Variants in CDS1 observed in about 807,000 individuals in gnomAD.
CDS1 encodes the protein phosphatidate cytidylyltransferase 1.
A neutral mutation model predicts 62.1 loss-of-function variants in CDS1; 41 were observed. The ratio of observed to expected loss-of-function variants is 0.66; its 90% CI spans 0.51 to 0.86. CDS1 has a LOEUF of 0.86. CDS1 is among the 40% of genes least tolerant of loss of function. The pLI, the probability that CDS1 is intolerant of heterozygous loss-of-function variation, is 0.00. For missense variants in CDS1, 470 were observed against 550.1 expected (o/e 0.85, Z 1.46); for synonymous variants, 185 against 192.6 (o/e 0.96, Z 0.32).
chr4:84,643,216 C>T (rs1187179293), intron 11 of CDS1, 73 bp downstream of exon 11: 20 of 1,467,584 alleles, frequency 1.4e-5, no homozygotes, highest in East Asian at 9.1e-5. Flanking sequence ...GAATTTGGTC[C>T]GCTCATGATC....
At chr4:84,645,592 TGAG>T (rs748635919) in intron 12 of CDS1, among the ~76,000 whole-genome samples, 76 of 152,302 alleles carry the variant, frequency 5.0e-4, no homozygotes, top group Non-Finnish European at 8.7e-4. Context: ...ATTTGAAACT[TGAG>T]GAGATTTGAT....
chr4:84,621,938 T>C (rs971933392), intron 5 of CDS1, among the ~76,000 whole-genome samples: 1 of 152,232 alleles, frequency 6.6e-6, no homozygotes, highest in African/African-American at 2.4e-5. Context: ...ATGATTGTTA[T>C]CAGCTAAGAA....
At chr4:84,590,570 T>C (rs533666013) in intron 1 of CDS1, among the ~76,000 whole-genome samples, 9 of 152,226 alleles carry the variant, frequency 5.9e-5, no homozygotes, top group Admixed American at 1.3e-4. Flanking sequence ...GTGGGTTTTT[T>C]TGATGCTGTC....
At chr4:84,619,954 C>T (rs1723624159) in intron 5 of CDS1, among the ~76,000 whole-genome samples, 1 of 149,712 alleles carries the variant, frequency 6.7e-6, no homozygotes, top group African/African-American at 2.5e-5. Flanking sequence ...ATCGCTTGAA[C>T]CTGGGAGGCA....
intron 8 of CDS1, among the ~76,000 whole-genome samples, chr4:84,637,023 T>C (rs533714487): frequency 1.3e-5 from 2 of 152,194 alleles, no homozygotes; most frequent in African/African-American, 2.4e-5. Flanking sequence ...GAGGGTAGTT[T>C]AGTATTACCA....
At chr4:84,604,494 C>A in intron 2 of CDS1, 124 bp downstream of exon 2, 1 of 799,482 alleles carries the variant, frequency 1.3e-6, no homozygotes, top group Non-Finnish European at 2.0e-6. Flanking sequence ...GTCAAAAAGG[C>A]CACCTAATAT....
At chr4:84,586,087 T>C in intron 1 of CDS1, among the ~76,000 whole-genome samples, 1 of 152,036 alleles carries the variant, frequency 6.6e-6, no homozygotes, top group East Asian at 1.9e-4. Context: ...GAATCAGCAT[T>C]CTAGGCACAG....
At chr4:84,595,516 T>C (rs367723742) in intron 1 of CDS1, among the ~76,000 whole-genome samples, 2 of 152,222 alleles carry the variant, frequency 1.3e-5, no homozygotes, top group East Asian at 1.9e-4. Flanking sequence ...ATGTGTTTAG[T>C]ACAGATGCAA....
intron 1 of CDS1, among the ~76,000 whole-genome samples, chr4:84,599,403 CACATATATATATATATATATATATAT>C (rs1353280096): frequency 5.8e-4 from 10 of 17,230 alleles, no homozygotes; most frequent in East Asian, 2.4e-3. Context: ...GACACACACA[CACATATATATATATATATATATATAT>C]ATATATATAT....
intron 1 of CDS1, among the ~76,000 whole-genome samples, chr4:84,601,774 C>T (rs1722944450): frequency 6.6e-6 from 1 of 151,784 alleles, no homozygotes; most frequent in Admixed American, 6.6e-5. Flanking sequence ...TTAGCCGGGC[C>T]TGGTGGGGCA....
chr4:84,628,517 C>T (rs1723924979), intron 5 of CDS1, among the ~76,000 whole-genome samples: 1 of 152,026 alleles, frequency 6.6e-6, no homozygotes, highest in Non-Finnish European at 1.5e-5. Flanking sequence ...AAATCTTCAT[C>T]CTCTTCTTCT....
chr4:84,643,092 C>T lies in CDS1; in HGVS notation c.1101C>T (p.Gly367=), dbSNP rs774878886. The T allele has an allele frequency of 1.2e-6, 2 of 1,613,124 alleles. No individual in the cohort carries two copies. The highest frequency in any genetic ancestry group is 2.2e-5 in the South Asian group (2 of 90,884). The change falls in exon 11 of 13, where the codon GGC becomes GGT. Residue 367 remains glycine (G), a synonymous_variant. Transcript: ENST00000295887. The part of the protein sequence containing the change: ...IALSTFASLI[G]PFGGFFASGF... ...TGTCAACCTTTGCATCTTTAATTGG[C>T]CCATTTGGAGGCTTCTTTGCTAGTG... is the stretch of plus-strand genomic sequence containing the variant.
Position 84,622,646 on chromosome 4 carries a change from C to A in CDS1, c.580+3113C>A, listed in dbSNP as rs1723725599. ...AATTGTGGTTAATTAAAACATAAAT[C>A]ATTTCTATCATTAATATCTGCACAT... On this transcript the variant is annotated intron_variant, in intron 5 of 12. Transcript: ENST00000295887. Among the ~76,000 whole-genome samples, 3 of 152,222 alleles carry A rather than the reference C, an allele frequency of 2.0e-5. 1 individual carries two copies. In the South Asian group the frequency reaches 6.2e-4, roughly 32 times the overall value.
Position 84,648,570 on chromosome 4 carries a change from A to C in CDS1, c.1270A>C (p.Ser424Arg). 1 of 1,613,556 alleles carries C rather than the reference A, an allele frequency of 6.2e-7. No individual in the cohort carries two copies. The highest frequency in any genetic ancestry group is 8.5e-7 in the Non-Finnish European group (1 of 1,179,764). Reference sequence around the variant, plus strand: ...TTTTATCATTAGGGGCCCAAATCCCAGCAAAGTGCTACAGCAGTTGTTGGT... The same window carrying C: ...TTTTATCATTAGGGGCCCAAATCCCCGCAAAGTGCTACAGCAGTTGTTGGT... ...ITSFIRGPNP[S>R]KVLQQLLVLQ... Residue 424 changes from serine (S) to arginine (R), a missense_variant, in exon 13 of 13, where the codon AGC becomes CGC. Physicochemically the swap from Ser to Arg is moderately radical, Grantham distance 110. Coordinates refer to ENST00000295887, the MANE Select transcript of CDS1 (RefSeq NM_001263.4).
At chr4:84,613,507 G>A (rs1723393356) in intron 3 of CDS1, among the ~76,000 whole-genome samples, 1 of 152,256 alleles carries the variant, frequency 6.6e-6, no homozygotes, top group African/African-American at 2.4e-5. Flanking sequence ...CTACTCAGGT[G>A]GCTGAGGCAA....
At chr4:84,633,964 TTATAAG>T (rs1297665710) in intron 7 of CDS1, 25 bp downstream of exon 7, 1 of 1,379,920 alleles carries the variant, frequency 7.2e-7, no homozygotes, top group Non-Finnish European at 1.0e-6. Flanking sequence ...TTATGCTGCT[TTATAAG>T]TATGTCATAG....
intron 1 of CDS1, among the ~76,000 whole-genome samples, chr4:84,598,964 A>G (rs931072553): frequency 2.0e-5 from 3 of 152,116 alleles, no homozygotes; most frequent in African/African-American, 7.2e-5. Context: ...TCTTTCCTGG[A>G]CTGCTCTTTA....
Position 84,585,324 on chromosome 4 carries a change from T to C in CDS1, c.117+1806T>C, listed in dbSNP as rs57924335. Reference sequence around the variant, plus strand: ...TGTAACCTGTTTTGTCAAGATTTCTTAGACAAGGATGAACATATTCAAACC... The same window carrying C: ...TGTAACCTGTTTTGTCAAGATTTCTCAGACAAGGATGAACATATTCAAACC... On this transcript the variant is annotated intron_variant, in intron 1 of 12. Transcript: ENST00000295887. Among the ~76,000 whole-genome samples the C allele has an allele frequency of 6.7e-3, 1,018 of 152,326 alleles. 12 individuals carry two copies. Among genetic ancestry groups the C allele is most frequent in the African/African-American group, 0.023 (975 of 41,574 alleles).
chr4:84,625,949 C>T (rs1214331470), intron 5 of CDS1, among the ~76,000 whole-genome samples: 8 of 151,920 alleles, frequency 5.3e-5, no homozygotes, highest in African/African-American at 1.7e-4. Context: ...GGGTGGATCA[C>T]GTGAGGTCAA....
Sources: gnomAD v4.1 joint callset for allele counts (sites outside exome capture counted in the v4.1 genomes callset) on GRCh38, gnomAD v4.1.1 for gene constraint, MANE v1.5 for transcripts, NCBI Gene and HGNC (gene_info 2026-07-23, HGNC 2026-07-21) for gene names.